Variants in TESK2 observed in about 807,000 individuals in gnomAD.
The protein encoded by TESK2 is dual specificity testis-specific protein kinase 2.
In TESK2, 39 loss-of-function variants were observed where a neutral mutation model predicts 57.1. The observed-to-expected ratio is 0.68, with a 90% CI of 0.53 to 0.89. The LOEUF is 0.89. TESK2 is among the 40% of genes least tolerant of loss of function. TESK2 has a pLI of 0.00. For synonymous variants in TESK2, 249 were observed against 267.9 expected, an observed-to-expected ratio of 0.93 and a Z score of 0.69; for missense variants, 646 against 732.1, an observed-to-expected ratio of 0.88 and a Z score of 1.36.
chr1:45,483,855 G>C (rs1016655092), intron 1 of TESK2, among the ~76,000 whole-genome samples: 19 of 151,570 alleles, frequency 1.3e-4, no homozygotes, highest in Admixed American at 2.6e-4. Flanking sequence ...AAATTAGCCA[G>C]GCATGGTGGC....
chr1:45,489,532 G>C (rs1016209958), intron 1 of TESK2, among the ~76,000 whole-genome samples: 4 of 152,236 alleles, frequency 2.6e-5, no homozygotes, highest in African/African-American at 7.2e-5. Flanking sequence ...GCTCACGCCT[G>C]TAATCCCAGC....
chr1:45,345,271 C>A lies in TESK2; in HGVS notation c.1285G>T (p.Asp429Tyr). 1 of 1,614,152 alleles carries A rather than the reference C, an allele frequency of 6.2e-7. No homozygotes were observed. The highest frequency in any genetic ancestry group is 1.1e-5 in the South Asian group (1 of 91,066). Residue 429 changes from aspartate (D) to tyrosine (Y), a missense_variant, in exon 11 of 11, where the codon GAC becomes TAC. Asp to Tyr is a radical substitution (Grantham distance 160). Coordinates refer to ENST00000372086, the MANE Select transcript of TESK2 (RefSeq NM_007170.3). The part of the protein sequence containing the change: ...PSKSVISLVF[D>Y]LDAPGPGTMP... Reference sequence around the variant, plus strand: ...GTTCCGGGCCCTGGTGCATCCAGGTCAAATACCAGAGAGATGACAGACTTG... The same window carrying A: ...GTTCCGGGCCCTGGTGCATCCAGGTAAAATACCAGAGAGATGACAGACTTG...
intron 4 of TESK2, among the ~76,000 whole-genome samples, chr1:45,368,329 C>CTTTTTG (rs1557545697): frequency 6.6e-6 from 1 of 151,170 alleles, no homozygotes; most frequent in African/African-American, 2.4e-5. Flanking sequence ...TTCTTGTCAT[C>CTTTTTG]TTTTTGTTTT....
intron 4 of TESK2, among the ~76,000 whole-genome samples, chr1:45,367,172 T>C (rs1487765261): frequency 6.6e-6 from 1 of 151,958 alleles, no homozygotes; most frequent in Non-Finnish European, 1.5e-5. Context: ...AATAAAATGT[T>C]TAATAATGCC....
chr1:45,354,336 A>G (rs1267383094), intron 5 of TESK2, among the ~76,000 whole-genome samples: 1 of 152,164 alleles, frequency 6.6e-6, no homozygotes, highest in Non-Finnish European at 1.5e-5. Flanking sequence ...TTAAAAATAC[A>G]AAAGAAAGGC....
intron 4 of TESK2, among the ~76,000 whole-genome samples, chr1:45,383,148 G>C (rs1557550728): frequency 1.3e-5 from 2 of 152,160 alleles, no homozygotes; most frequent in Admixed American, 1.3e-4. Flanking sequence ...TTACTTTGGA[G>C]GACAAGCATT....
chr1:45,391,657 A>G (rs566623050), intron 3 of TESK2, among the ~76,000 whole-genome samples: 1 of 152,296 alleles, frequency 6.6e-6, no homozygotes, highest in East Asian at 1.9e-4. Context: ...GAATTGGAAT[A>G]CTATATTTAC....
intron 4 of TESK2, among the ~76,000 whole-genome samples, chr1:45,378,878 A>G (rs1203988195): frequency 6.6e-6 from 1 of 152,086 alleles, no homozygotes; most frequent in Non-Finnish European, 1.5e-5. Flanking sequence ...TTGTCCTTTT[A>G]GGAAAACCTG....
intron 2 of TESK2, among the ~76,000 whole-genome samples, chr1:45,423,187 G>A (rs1252549727): frequency 1.3e-5 from 2 of 152,134 alleles, no homozygotes; most frequent in East Asian, 1.9e-4. Context: ...ATATATGCAT[G>A]AGCCTTATGT....
At position 45,345,567 on chromosome 1, in the gene TESK2, TA is replaced by T; in HGVS notation, c.998-10del. On this transcript the variant is annotated splice_polypyrimidine_tract_variant and intron_variant, in intron 10 of 10. Coordinates refer to ENST00000372086, the MANE Select transcript of TESK2 (RefSeq NM_007170.3). ...TGCTTTCTCCAAGAGTCCTGAAGAATAATCAAGTCTGGGTTACTCTCACTAG... is the reference window on the plus strand; with the variant it reads ...TGCTTTCTCCAAGAGTCCTGAAGAATATCAAGTCTGGGTTACTCTCACTAG... The T allele has an allele frequency of 6.2e-7, 1 of 1,607,994 alleles. No homozygotes were observed. Among genetic ancestry groups the T allele is most frequent in the East Asian group, 2.2e-5 (1 of 44,804 alleles).
intron 1 of TESK2, among the ~76,000 whole-genome samples, chr1:45,475,041 G>T (rs1004507047): frequency 6.4e-5 from 9 of 141,230 alleles, no homozygotes; most frequent in African/African-American, 1.3e-4. Context: ...GCACAGCATG[G>T]CAACAGAGCA....
chr1:45,348,026 A>G, intron 5 of TESK2, 26 bp from the exon 6 acceptor site: 1 of 1,494,790 alleles, frequency 6.7e-7, no homozygotes, highest in Non-Finnish European at 9.3e-7. Context: ...AGGAAGAGAA[A>G]ATAATGTGGC....
At chr1:45,366,051 C>T (rs550436909) in intron 4 of TESK2, among the ~76,000 whole-genome samples, 12 of 150,226 alleles carry the variant, frequency 8.0e-5, no homozygotes, top group Non-Finnish European at 1.6e-4. Flanking sequence ...TCAGGTGATC[C>T]GCCTGCCTCG....
intron 2 of TESK2, among the ~76,000 whole-genome samples, chr1:45,455,357 C>T (rs973019288): frequency 2.0e-4 from 31 of 152,320 alleles, no homozygotes; most frequent in Non-Finnish European, 4.1e-4. Context: ...TCTTCATCTC[C>T]CTGTCCCATG....
At chr1:45,453,735 T>C (rs575947265) in intron 2 of TESK2, among the ~76,000 whole-genome samples, 5 of 152,276 alleles carry the variant, frequency 3.3e-5, no homozygotes, top group Non-Finnish European at 7.4e-5. Flanking sequence ...GACACCATCA[T>C]GGGAGTGAAA....
At chr1:45,435,074 C>A (rs972980612) in intron 2 of TESK2, among the ~76,000 whole-genome samples, 3 of 151,450 alleles carry the variant, frequency 2.0e-5, no homozygotes, top group Non-Finnish European at 4.4e-5. Flanking sequence ...AGAAATCCTC[C>A]CACTTCAGCC....
At chr1:45,347,189 A>G in intron 7 of TESK2, 127 bp from the exon 8 acceptor site, 1 of 730,682 alleles carries the variant, frequency 1.4e-6, no homozygotes, top group East Asian at 2.7e-5. Context: ...CCCATACTTC[A>G]TCCCAGTCAG....
chr1:45,427,228 C>G (rs1650732704), intron 2 of TESK2, among the ~76,000 whole-genome samples: 1 of 138,074 alleles, frequency 7.2e-6, no homozygotes, highest in Non-Finnish European at 1.5e-5. Flanking sequence ...CAGCAAGACT[C>G]TGTCTCAAAA....
chr1:45,439,251 G>A (rs557541960), intron 2 of TESK2, among the ~76,000 whole-genome samples: 103 of 152,204 alleles, frequency 6.8e-4, no homozygotes, highest in African/African-American at 2.4e-3. Context: ...AATAATAAAT[G>A]TATAACCATG....
Sources: allele counts gnomAD v4.1 joint callset (sites outside exome capture counted in the v4.1 genomes callset), GRCh38; gene constraint gnomAD v4.1.1; transcripts MANE v1.5; gene names NCBI Gene and HGNC (gene_info 2026-07-23, HGNC 2026-07-21).